The following PSMC6 variants were observed in gnomAD, a reference collection of about 807,000 sequenced individuals.
PSMC6 encodes the protein proteasome 26S subunit, ATPase 6.
A neutral mutation model predicts 55.9 loss-of-function variants in PSMC6; 3 were observed. The ratio of observed to expected loss-of-function variants is 0.05; its 90% CI spans 0.02 to 0.14. PSMC6 has a LOEUF of 0.14. Ranked by LOEUF, PSMC6 falls within the 10% of genes least tolerant of loss-of-function variation. PSMC6 has a pLI of 1.00. For missense variants in PSMC6, 210 were observed against 478.7 expected, an observed-to-expected ratio of 0.44 and a Z score of 5.24; for synonymous variants, 137 against 155.9, an observed-to-expected ratio of 0.88 and a Z score of 0.90.
chr14:52,715,422 A>C (rs2041819834), intron 7 of PSMC6, among the ~76,000 whole-genome samples: 1 of 152,116 alleles, frequency 6.6e-6, no homozygotes, highest in Non-Finnish European at 1.5e-5. Flanking sequence ...GTTATTAGTT[A>C]TTGATTACTC....
At chr14:52,707,648 T>G in intron 1 of PSMC6, 1 of 267,686 alleles carries the variant, frequency 3.7e-6, no homozygotes, top group Non-Finnish European at 7.4e-6. Context: ...GGAAGGCGCT[T>G]GAGTCAAGTA....
In PSMC6 at chr14:52,713,366, G is replaced by A. The variant is rs148634964; in HGVS notation, c.442-515G>A. ...AACATACTGTTCTTTAAAAGCTGCC[G>A]TGGCAAAATGCCAACAGATAAAAAT... is the stretch of plus-strand genomic sequence containing the variant. On this transcript the variant is annotated intron_variant, in intron 6 of 13. Coordinates refer to ENST00000445930, the MANE Select transcript of PSMC6 (RefSeq NM_002806.5). Among the ~76,000 whole-genome samples the A allele has an allele frequency of 3.9e-3, 601 of 152,226 alleles. 4 individuals carry two copies. Among genetic ancestry groups the A allele is most frequent in the African/African-American group, 0.013 (550 of 41,550 alleles).
At chr14:52,721,555 G>A (rs2041890984) in intron 12 of PSMC6, 1 of 160,104 alleles carries the variant, frequency 6.2e-6, no homozygotes, top group African/African-American at 2.4e-5. Context: ...AATCCTAATG[G>A]TTTTGGAGGC....
At chr14:52,709,707 T>A in intron 4 of PSMC6, 3 of 365,742 alleles carry the variant, frequency 8.2e-6, no homozygotes, top group South Asian at 5.8e-5. Flanking sequence ...TCCAAAATGC[T>A]TGAGCCAGAA....
chr14:52,711,284 T>A (rs2041769404), intron 5 of PSMC6, 116 bp downstream of exon 5: 3 of 1,292,048 alleles, frequency 2.3e-6, no homozygotes, highest in Middle Eastern at 1.9e-4. Context: ...TTTTACTAGT[T>A]TCTAATTAAG....
intron 6 of PSMC6, 33 bp from the exon 7 acceptor site, chr14:52,713,844 GACTA>G: frequency 1.5e-6 from 2 of 1,367,656 alleles, no homozygotes; most frequent in Non-Finnish European, 2.1e-6. Flanking sequence ...TAAAAATCTT[GACTA>G]ACTTTTTAAG....
At chr14:52,720,367 C>CAAAAA (rs71444775) in intron 10 of PSMC6, among the ~76,000 whole-genome samples, 1,229 of 41,438 alleles carry the variant, frequency 0.03, 242 homozygotes, top group Non-Finnish European at 0.031. Context: ...AACTCTGTCT[C>CAAAAA]AAAAAAAAAA....
At chr14:52,719,076 G>A (rs759337997) in intron 10 of PSMC6, 38 bp downstream of exon 10, 2 of 1,497,712 alleles carry the variant, frequency 1.3e-6, no homozygotes, top group Admixed American at 1.7e-5. Flanking sequence ...AGAAACCAAT[G>A]TTTATTAAAT....
At position 52,708,357 on chromosome 14, in the gene PSMC6, A is replaced by G; in HGVS notation, c.134A>G (p.Asn45Ser). 1.9e-6 allele frequency: 3 copies of G among 1,613,612 alleles called. No individual in the cohort carries two copies. The highest frequency in any genetic ancestry group is 2.5e-6 in the Non-Finnish European group (3 of 1,179,532). ...ELTKQYEKSE[N>S]DLKALQSVGQ... ...ACCAAGCAGTATGAAAAGTCTGAAA[A>G]TGATCTGAAGGCCCTACAGAGTGTT... Residue 45 changes from asparagine to serine, a missense_variant, in exon 2 of 14, where the codon AAT (asparagine) becomes AGT (serine). By Grantham distance (46) the Asn-to-Ser change is conservative. Coordinates refer to ENST00000445930, the MANE Select transcript of PSMC6 (RefSeq NM_002806.5).
chr14:52,718,902 T>C (rs2041859603), intron 9 of PSMC6, 75 bp from the exon 10 acceptor site: 1 of 1,142,230 alleles, frequency 8.8e-7, no homozygotes, highest in Non-Finnish European at 1.3e-6. Flanking sequence ...CACAGACTGT[T>C]ATGTTCTGTT....
chr14:52,725,370 G>C (rs1319287512), intron 13 of PSMC6, among the ~76,000 whole-genome samples: 1 of 152,064 alleles, frequency 6.6e-6, no homozygotes, highest in Non-Finnish European at 1.5e-5. Flanking sequence ...TTAACTAGGT[G>C]GGACATTCAC....
intron 12 of PSMC6, chr14:52,721,919 C>T (rs375805427): frequency 1.0e-4 from 16 of 152,598 alleles, no homozygotes; most frequent in African/African-American, 3.8e-4. Context: ...GCACACACCA[C>T]CAACCCTGGC....
chr14:52,716,195 T>A (rs890863162), intron 7 of PSMC6, among the ~76,000 whole-genome samples: 16 of 152,116 alleles, frequency 1.1e-4, no homozygotes, highest in African/African-American at 3.1e-4. Context: ...AAGACAAAAG[T>A]GTTTGCAAGA....
Position 52,721,207 on chromosome 14 carries a change from T to G in PSMC6, c.979+17T>G, listed in dbSNP as rs766418679. 1 of 1,508,578 alleles carries G rather than the reference T, an allele frequency of 6.6e-7. No homozygotes were observed. The highest frequency in any genetic ancestry group is 9.0e-7 in the Non-Finnish European group (1 of 1,115,058). 93.4% of individuals were successfully genotyped at this position (1,508,578 alleles called of 1,614,324 possible). A position where few individuals can be genotyped will look rare whatever the true frequency, so the allele number is the denominator to read the frequency against. On this transcript the variant is annotated intron_variant, in intron 12 of 13. Transcript: ENST00000445930. ...GTGAAATAGGTAAGGAAGTCATCTA[T>G]TTTATATGTATTTACATTTGGTAAA...
Position 52,723,888 on chromosome 14 carries a change from T to C in PSMC6, c.980-77T>C, listed in dbSNP as rs1356333342. The C allele has an allele frequency of 3.2e-6, 5 of 1,575,220 alleles. No homozygotes were observed. In the East Asian group the frequency reaches 9.0e-5, roughly 28 times the overall value. ...ATCAAACTCAAAGTAAGCTCTTCAG[T>C]TTAAATTTTCGATGTGGGCATAAAT... On this transcript the variant is annotated intron_variant, in intron 12 of 13. Coordinates refer to ENST00000445930, the MANE Select transcript of PSMC6 (RefSeq NM_002806.5).
Position 52,718,132 on chromosome 14 carries a change from A to G in PSMC6, c.581A>G (p.Asn194Ser), listed in dbSNP as rs1368171298. 14 of 1,613,580 alleles carry G rather than the reference A, an allele frequency of 8.7e-6. No homozygotes were observed. The highest frequency in any genetic ancestry group is 1.1e-5 in the Non-Finnish European group (13 of 1,179,720). Residue 194 changes from asparagine (N) to serine (S), a missense_variant, in exon 8 of 14, where the codon AAT becomes AGT. This residue lies in a region of PSMC6 where 101 missense variants were observed against 250.4 expected (regional missense o/e 0.40). Coordinates refer to ENST00000445930, the MANE Select transcript of PSMC6 (RefSeq NM_002806.5). The part of the protein sequence containing the change: ...ARAVASQLDC[N>S]FLKVVSSSIV... ...GCCGTTGCTAGCCAGCTGGACTGCA[A>G]TTTCTTAAAGGTAAAGGGAAGATTA...
At chr14:52,717,695 G>A (rs1018472956) in intron 7 of PSMC6, among the ~76,000 whole-genome samples, 1 of 151,542 alleles carries the variant, frequency 6.6e-6, no homozygotes, top group Non-Finnish European at 1.5e-5. Context: ...CTTGCCAAAC[G>A]ATTATATTCT....
intron 13 of PSMC6, among the ~76,000 whole-genome samples, chr14:52,724,356 T>C (rs571737388): frequency 2.6e-5 from 4 of 152,184 alleles, no homozygotes; most frequent in East Asian, 3.9e-4. Context: ...TCATCCCCCA[T>C]TGGATGAGAT....
Position 52,727,480 on chromosome 14 carries a change from G to T in PSMC6, c.1052-19G>T, listed in dbSNP as rs1457394279. 6 of 1,514,978 alleles carry T rather than the reference G, an allele frequency of 4.0e-6. No homozygotes were observed. Among genetic ancestry groups the T allele is most frequent in the Non-Finnish European group, 5.5e-6 (6 of 1,093,812 alleles). 93.8% of individuals were successfully genotyped at this position (1,514,978 alleles called of 1,614,324 possible). ...TTCATATGTGATATATAGCAGTCAT[G>T]TTGTTTTATTCTCTACAGGTATGTT... On this transcript the variant is annotated intron_variant, in intron 13 of 13. Transcript: ENST00000445930.
Sources: allele counts gnomAD v4.1 joint callset (sites outside exome capture counted in the v4.1 genomes callset), GRCh38; gene constraint gnomAD v4.1.1; regional missense constraint gnomAD v4.1.1; transcripts MANE v1.5; gene names NCBI Gene and HGNC (gene_info 2026-07-23, HGNC 2026-07-21).